The following KCNQ1 variants were observed in gnomAD, a reference collection of about 807,000 sequenced individuals.
KCNQ1 encodes the protein potassium voltage-gated channel subfamily KQT member 1.
A neutral mutation model predicts 72.4 loss-of-function variants in KCNQ1; 49 were observed. The ratio of observed to expected loss-of-function variants is 0.68; its 90% CI spans 0.54 to 0.86. The LOEUF (loss-of-function observed/expected upper bound fraction) is 0.86, where lower values mean the gene tolerates loss of function less well. Ranked by LOEUF, KCNQ1 falls within the 40% of genes least tolerant of loss-of-function variation. The pLI is 0.00. For synonymous variants in KCNQ1, 450 were observed against 412.6 expected, an observed-to-expected ratio of 1.09 and a Z score of -1.10; for missense variants, 790 against 945.1, an observed-to-expected ratio of 0.84 and a Z score of 2.15.
At chr11:2,721,590 C>T (rs190024637) in intron 11 of KCNQ1, among the ~76,000 whole-genome samples, 14 of 152,362 alleles carry the variant, frequency 9.2e-5, no homozygotes, top group East Asian at 1.9e-4. Flanking sequence ...GGCTTTACTC[C>T]GCCTGCAGGG....
At chr11:2,646,152 T>C (rs1849662281) in intron 10 of KCNQ1, 4 of 398,532 alleles carry the variant, frequency 1.0e-5, no homozygotes, top group Non-Finnish European at 1.8e-5. Context: ...TCCAGCATTC[T>C]CTCAGAGGCG....
chr11:2,620,199 G>A lies in KCNQ1; in HGVS notation c.1393+31345G>A, dbSNP rs923355191. The A allele has an allele frequency of 1.4e-5, 4 of 295,274 alleles. No homozygotes were observed. The highest frequency in any genetic ancestry group is 8.6e-4 in the Middle Eastern group (1 of 1,168). 18.3% of individuals were successfully genotyped at this position (295,274 alleles called of 1,614,324 possible). A position where few individuals can be genotyped will look rare whatever the true frequency, so the allele number is the denominator to read the frequency against. ...CTGCAAAGGACGTAAGTTCATTCAT[G>A]TATATATATATATTTTTTTTTTTTA... On this transcript the variant is annotated intron_variant, in intron 10 of 15. Coordinates refer to ENST00000155840, the MANE Select transcript of KCNQ1 (RefSeq NM_000218.3). The surrounding 1 kb of genome is among the most constrained non-coding windows in gnomAD (Gnocchi z 4.5).
In KCNQ1 at chr11:2,608,709, G is replaced by C. The variant is rs576052697; in HGVS notation, c.1393+19855G>C. On this transcript the variant is annotated intron_variant, in intron 10 of 15. Transcript: ENST00000155840. This position sits in a 1 kb window ranked among gnomAD's most constrained non-coding sequence, Gnocchi z 4.6. ...GAACTCCTGGCCACAAGCAATTCTC[G>C]AACTCCTGGCCACAAGCAATTCTCC... The C allele has an allele frequency of 5.2e-6, 2 of 383,542 alleles. No homozygotes were observed. The highest frequency in any genetic ancestry group is 2.8e-5 in the African/African-American group (1 of 35,096). 23.8% of individuals were successfully genotyped at this position (383,542 alleles called of 1,614,324 possible).
chr11:2,691,160 C>T lies in KCNQ1; in HGVS notation c.1514+29079C>T, dbSNP rs1850581662. 5.0e-6 allele frequency: 2 copies of T among 398,648 alleles called. No individual in the cohort carries two copies. The highest frequency in any genetic ancestry group is 7.1e-5 in the East Asian group (2 of 28,082). 24.7% of individuals were successfully genotyped at this position (398,648 alleles called of 1,614,324 possible). On this transcript the variant is annotated intron_variant, in intron 11 of 15. Transcript: ENST00000155840. This position sits in a 1 kb window ranked among gnomAD's most constrained non-coding sequence, Gnocchi z 6.4. ...GAGTCTGTGCTGGCCTCTGGCCTCT[C>T]ACAGCCTTGGGAGGGGTGCTCAGAG... is the stretch of plus-strand genomic sequence containing the variant.
rs565042273 is a variant in KCNQ1 at position 2,498,008 on chromosome 11, A to G, written c.387-29920A>G. Among the ~76,000 whole-genome samples, 33 of 152,300 alleles carry G rather than the reference A, an allele frequency of 2.2e-4. 1 individual carries two copies. The South Asian group carries it at 6.2e-3, about 29-fold the overall frequency. ...TGGGTATCACCAGTGGAGGCTGCAG[A>G]ACAGCAAAGATTGCTGCCTACTCCT... On this transcript the variant is annotated intron_variant, in intron 1 of 15. Coordinates refer to ENST00000155840, the MANE Select transcript of KCNQ1 (RefSeq NM_000218.3). This position sits in a 1 kb window ranked among gnomAD's most constrained non-coding sequence, Gnocchi z 4.8.
At chr11:2,578,970 G>A (rs1488786752) in intron 6 of KCNQ1, among the ~76,000 whole-genome samples, 1 of 152,242 alleles carries the variant, frequency 6.6e-6, no homozygotes, top group African/African-American at 2.4e-5. Flanking sequence ...TGACCTGAGA[G>A]TGCCAGCTGG....
chr11:2,726,795 C>T (rs1338319016), intron 11 of KCNQ1, among the ~76,000 whole-genome samples: 1 of 152,232 alleles, frequency 6.6e-6, no homozygotes, highest in African/African-American at 2.4e-5. Context: ...TGCCCATCTC[C>T]TCACTGCTTG....
rs916413087 is a variant in KCNQ1 at position 2,651,188 on chromosome 11, C to T, written c.1394-10773C>T. On this transcript the variant is annotated intron_variant, in intron 10 of 15. Transcript: ENST00000155840. The surrounding 1 kb of genome is among the most constrained non-coding windows in gnomAD (Gnocchi z 6.1). ...TTGCTGCTTCCCTACTCAAATGTTC[C>T]GACAGCTTCCTGTCACCCTGTCTTG... is the stretch of plus-strand genomic sequence containing the variant. 7 of 397,336 alleles carry T rather than the reference C, an allele frequency of 1.8e-5. No individual in the cohort carries two copies. The highest frequency in any genetic ancestry group is 2.6e-4 in the South Asian group (2 of 7,766). 24.6% of individuals were successfully genotyped at this position (397,336 alleles called of 1,614,324 possible).
chr11:2,583,377 T>G, intron 6 of KCNQ1, 58 bp from the exon 7 acceptor site: 1 of 1,236,906 alleles, frequency 8.1e-7, no homozygotes. Flanking sequence ...GGTTAGGCAG[T>G]TGGCCCTCCC....
At chr11:2,747,207 A>G (rs1846155041) in intron 11 of KCNQ1, among the ~76,000 whole-genome samples, 1 of 152,272 alleles carries the variant, frequency 6.6e-6, no homozygotes, top group Admixed American at 6.5e-5. Flanking sequence ...GGGATGAAGA[A>G]ACGCCTTAGA....
chr11:2,667,604 A>G, intron 11 of KCNQ1: 1 of 398,552 alleles, frequency 2.5e-6, no homozygotes, highest in Non-Finnish European at 4.4e-6. Context: ...GGCGGGGGGC[A>G]CATCCCATAT....
Position 2,753,315 on chromosome 11 carries a change from G to A in KCNQ1, c.1515-15529G>A, listed in dbSNP as rs538639352. Among the ~76,000 whole-genome samples, 21 of 152,294 alleles carry A rather than the reference G, an allele frequency of 1.4e-4. 1 individual carries two copies. In the South Asian group the frequency reaches 4.1e-3, roughly 30 times the overall value. Reference sequence around the variant, plus strand: ...AGGGGTGAGGCTGGAGCCCAAATAGGGAGTTCAGAGGCCTCCGTGTCTGCC... The same window carrying A: ...AGGGGTGAGGCTGGAGCCCAAATAGAGAGTTCAGAGGCCTCCGTGTCTGCC... On this transcript the variant is annotated intron_variant, in intron 11 of 15. Transcript: ENST00000155840.
rs539749893 is a variant in KCNQ1 at position 2,835,135 on chromosome 11, G to A, written c.1795-12632G>A. Among the ~76,000 whole-genome samples, 6 of 152,316 alleles carry A rather than the reference G, an allele frequency of 3.9e-5. No homozygotes were observed. In the East Asian group the frequency reaches 1.2e-3, roughly 29 times the overall value. On this transcript the variant is annotated intron_variant, in intron 15 of 15. Transcript: ENST00000155840. ...CTGGGTCAGCCGCAGCTGCAAACCG[G>A]CCCTGGCTGAGTCATGGGGCCTCCA...
In KCNQ1 at chr11:2,620,957, T is replaced by TTTG. The variant is rs397956034; in HGVS notation, c.1393+32103_1393+32104insTTG. 14 of 396,850 alleles carry TTTG rather than the reference T, an allele frequency of 3.5e-5. No individual in the cohort carries two copies. Among genetic ancestry groups the TTTG allele is most frequent in the Middle Eastern group, 6.2e-4 (1 of 1,610 alleles). 24.6% of individuals were successfully genotyped at this position (396,850 alleles called of 1,614,324 possible). A position where few individuals can be genotyped will look rare whatever the true frequency, so the allele number is the denominator to read the frequency against. Reference sequence around the variant, plus strand: ...GTTGTTGTTTTGTTTTGTTTTTTTTTGTCTGTTTTTTGCTTTTTTGTTTGT... The same window carrying TTTG: ...GTTGTTGTTTTGTTTTGTTTTTTTTTTTGGTCTGTTTTTTGCTTTTTTGTTTGT... On this transcript the variant is annotated intron_variant, in intron 10 of 15. Transcript: ENST00000155840. The surrounding 1 kb of genome is among the most constrained non-coding windows in gnomAD (Gnocchi z 4.5).
intron 11 of KCNQ1, among the ~76,000 whole-genome samples, chr11:2,737,698 G>A (rs1845982073): frequency 6.6e-6 from 1 of 152,206 alleles, no homozygotes; most frequent in South Asian, 2.1e-4. Context: ...CACGGCTGGT[G>A]GGTCCGAGCC....
intron 11 of KCNQ1, among the ~76,000 whole-genome samples, chr11:2,700,669 T>TGAGTGG (rs1181023963): frequency 6.6e-6 from 1 of 151,866 alleles, no homozygotes; most frequent in Non-Finnish European, 1.5e-5. Context: ...CCTCAGGGGG[T>TGAGTGG]GAGTGGCAGG....
At chr11:2,510,243 C>T (rs756397508) in intron 1 of KCNQ1, among the ~76,000 whole-genome samples, 3 of 151,312 alleles carry the variant, frequency 2.0e-5, no homozygotes, top group Non-Finnish European at 4.4e-5. Flanking sequence ...CTTGCCACTG[C>T]ACTCCAGCCT....
chr11:2,740,488 C>T (rs963224164), intron 11 of KCNQ1, among the ~76,000 whole-genome samples: 2 of 152,264 alleles, frequency 1.3e-5, no homozygotes, highest in Middle Eastern at 3.4e-3. Context: ...GGACAGCGCA[C>T]GCGGGCTTTG....
chr11:2,660,483 G>A, intron 10 of KCNQ1: 1 of 398,574 alleles, frequency 2.5e-6, no homozygotes, highest in Non-Finnish European at 4.4e-6. Flanking sequence ...GACTGGGGAA[G>A]CTATCTATGC....
Sources: allele counts gnomAD v4.1 joint callset (sites outside exome capture counted in the v4.1 genomes callset), GRCh38; gene constraint gnomAD v4.1.1; non-coding constraint Gnocchi (gnomAD v3.1); transcripts MANE v1.5; gene names NCBI Gene and HGNC (gene_info 2026-07-23, HGNC 2026-07-21).